The following IRS2 variants were observed in gnomAD, a reference collection of about 807,000 sequenced individuals.
The protein encoded by IRS2 is insulin receptor substrate 2.
IRS2 carries 28 observed loss-of-function variants against 70.9 expected under a neutral mutation model. That is an observed-to-expected ratio of 0.39 (90% CI 0.29 to 0.54). IRS2 has a LOEUF of 0.54. Ranked by LOEUF, IRS2 falls within the 20% of genes least tolerant of loss-of-function variation. The probability of loss-of-function intolerance (pLI) is 0.59; values close to 1 mark genes in which losing one functional copy is unlikely to be tolerated. For missense variants in IRS2, 2,081 were observed against 2,024.1 expected, an observed-to-expected ratio of 1.03 and a Z score of -0.54; for synonymous variants, 1,217 against 981.9, an observed-to-expected ratio of 1.24 and a Z score of -4.48.
At chr13:109,781,754 G>T (rs1014819770) in intron 1 of IRS2, among the ~76,000 whole-genome samples, 1 of 152,200 alleles carries the variant, frequency 6.6e-6, no homozygotes, top group African/African-American at 2.4e-5. Flanking sequence ...TGTGTTAAGG[G>T]ACAGGGGGCT....
In IRS2 at chr13:109,785,880, G is replaced by T; in HGVS notation, c.174C>A (p.Asp58Glu). Residue 58 changes from aspartate to glutamate, a missense_variant, in exon 1 of 2, where the codon GAC becomes GAA. Asp to Glu is a conservative substitution (Grantham distance 45). This residue lies in a region of IRS2 where 320 missense variants were observed against 352.9 expected (regional missense o/e 0.91). Transcript: ENST00000375856. This position sits in a 1 kb window ranked among gnomAD's most constrained non-coding sequence, Gnocchi z 9.3. ...CCGACCCCCCGCCCGCCGTCGCCTCGTCGCCGCCCGCGCCGGGTCCGCGCA... is the reference window on the plus strand; with the variant it reads ...CCGACCCCCCGCCCGCCGTCGCCTCTTCGCCGCCCGCGCCGGGTCCGCGCA... ...FVLRGPGAGG[D>E]EATAGGGSAP... 1 of 1,501,956 alleles carries T rather than the reference G, an allele frequency of 6.7e-7. No individual in the cohort carries two copies. The allele number at this position is 1,501,956 out of a possible 1,614,324, so 93.0% of individuals were successfully genotyped here. A position where few individuals can be genotyped will look rare whatever the true frequency, so the allele number is the denominator to read the frequency against.
intron 1 of IRS2, among the ~76,000 whole-genome samples, chr13:109,771,951 T>C (rs1877459603): frequency 6.6e-6 from 1 of 152,276 alleles, no homozygotes. Flanking sequence ...AAGGATTATG[T>C]GCATGGTTTT....
rs1213360062 is a variant in IRS2 at position 109,784,609 on chromosome 13, G to A, written c.1445C>T (p.Ser482Phe). 7.4e-7 allele frequency: 1 copy of A among 1,346,088 alleles called. No homozygotes were observed. The highest frequency in any genetic ancestry group is 9.5e-7 in the Non-Finnish European group (1 of 1,054,678). The allele number at this position is 1,346,088 out of a possible 1,614,324, so 83.4% of individuals were successfully genotyped here. The change falls in exon 1 of 2, where the codon TCC (serine) becomes TTC (phenylalanine). Residue 482 changes from serine to phenylalanine, a missense_variant. By Grantham distance (155) the Ser-to-Phe change is radical. Around this residue, in one of 4 missense-constraint regions of IRS2, gnomAD observed 1,615 missense variants for 1,459.5 expected, o/e 1.11. Coordinates refer to ENST00000375856, the MANE Select transcript of IRS2 (RefSeq NM_003749.3). This position sits in a 1 kb window ranked among gnomAD's most constrained non-coding sequence, Gnocchi z 5.2. ...GCCCGAGGCGGAGGCGCTGCCGCTG[G>A]AGGGCCGCTGGCCGGGGCCGTGGTG... ...PLHHGPGQRP[S>F]SGSASASGSP...
intron 1 of IRS2, among the ~76,000 whole-genome samples, chr13:109,773,627 T>C (rs954651935): frequency 2.0e-5 from 3 of 152,200 alleles, no homozygotes; most frequent in African/African-American, 7.2e-5. Flanking sequence ...CCTTAAATAT[T>C]TGCCAAATCT....
intron 1 of IRS2, among the ~76,000 whole-genome samples, chr13:109,761,140 C>G (rs1426312734): frequency 6.6e-6 from 1 of 152,162 alleles, no homozygotes; most frequent in East Asian, 1.9e-4. Flanking sequence ...CCAGGGAGGC[C>G]CCGGTCCTCT....
rs866356174 is a variant in IRS2, at chr13:109,756,216, G to A, written c.*88C>T. The A allele has an allele frequency of 9.5e-6, 11 of 1,160,300 alleles. No individual in the cohort carries two copies. In the Middle Eastern group the frequency reaches 5.7e-4, roughly 60 times the overall value. The allele number at this position is 1,160,300 out of a possible 1,614,324, so 71.9% of individuals were successfully genotyped here. ...GCTCAGATCCAAAAGAAAACTGCAA[G>A]CAGCTTCGGGCTGAAACAGTGCTGA... On this transcript the variant is annotated 3_prime_UTR_variant, in exon 2 of 2. Coordinates refer to ENST00000375856, the MANE Select transcript of IRS2 (RefSeq NM_003749.3).
chr13:109,785,970 G>A lies in IRS2; in HGVS notation c.84C>T (p.Asn28=). The change falls in exon 1 of 2, where the codon AAC becomes AAT. Residue 28 remains asparagine, a synonymous_variant. Coordinates refer to ENST00000375856, the MANE Select transcript of IRS2 (RefSeq NM_003749.3). This position sits in a 1 kb window ranked among gnomAD's most constrained non-coding sequence, Gnocchi z 9.3. ...PNLNNNNNNN[N]HSVRKCGYLR... is the part of the protein sequence containing the mutation. ...GGTAGCCGCACTTGCGCACGCTGTG[G>A]TTGTTGTTGTTGTTGTTGTTGTTGA... is the stretch of plus-strand genomic sequence containing the variant. The A allele has an allele frequency of 6.9e-7, 1 of 1,456,236 alleles. No homozygotes were observed. The allele number at this position is 1,456,236 out of a possible 1,614,324, so 90.2% of individuals were successfully genotyped here. A position where few individuals can be genotyped will look rare whatever the true frequency, so the allele number is the denominator to read the frequency against.
At position 109,784,686 on chromosome 13, in the gene IRS2, C is replaced by A; in HGVS notation, c.1368G>T (p.Ser456=). Reference sequence around the variant, plus strand: ...GGCCGGGCGGCGGCGGGTAGGAGCCCGAGCCGTGGCCGCTGCTGGACGACA... The same window carrying A: ...GGCCGGGCGGCGGCGGGTAGGAGCCAGAGCCGTGGCCGCTGCTGGACGACA... ...GSLSSSSGHG[S]GSYPPPPGPH... The change falls in exon 1 of 2, where the codon TCG becomes TCT. Residue 456 remains serine, a synonymous_variant. Coordinates refer to ENST00000375856, the MANE Select transcript of IRS2 (RefSeq NM_003749.3). The surrounding 1 kb of genome is among the most constrained non-coding windows in gnomAD (Gnocchi z 5.2). The A allele has an allele frequency of 8.1e-7, 1 of 1,237,550 alleles. No homozygotes were observed. 76.7% of individuals were successfully genotyped at this position (1,237,550 alleles called of 1,614,324 possible).
Position 109,782,125 on chromosome 13 carries a change from C to G in IRS2, c.3929G>C (p.Gly1310Ala). Residue 1310 changes from glycine to alanine, a missense_variant, in exon 1 of 2, where the codon GGT becomes GCT. Gly to Ala is a moderately conservative substitution (Grantham distance 60). This residue lies in a region of IRS2 where 1,615 missense variants were observed against 1,459.5 expected (regional missense o/e 1.11). Coordinates refer to ENST00000375856, the MANE Select transcript of IRS2 (RefSeq NM_003749.3). ...GTTGGCAGGGGGCAGGGCACCGGGACCCGGCCCCCCGCACCCGCCGCCGGT... is the reference window on the plus strand; with the variant it reads ...GTTGGCAGGGGGCAGGGCACCGGGAGCCGGCCCCCCGCACCCGCCGCCGGT... ...GSTGGGCGGP[G>A]PGALPPANTY... The G allele has an allele frequency of 1.9e-6, 3 of 1,608,752 alleles. No homozygotes were observed.
At chr13:109,757,871 G>A (rs965963554) in intron 1 of IRS2, among the ~76,000 whole-genome samples, 8 of 152,152 alleles carry the variant, frequency 5.3e-5, no homozygotes, top group Admixed American at 3.9e-4. Context: ...TAGTAGAGAC[G>A]GGGTTTCACC....
chr13:109,765,507 A>G (rs1185096590), intron 1 of IRS2, among the ~76,000 whole-genome samples: 2 of 141,730 alleles, frequency 1.4e-5, no homozygotes, highest in Non-Finnish European at 3.1e-5. Flanking sequence ...CTCCCCACCA[A>G]GCATGTAGAT....
rs182953660 is a variant in IRS2 at position 109,779,529 on chromosome 13, T to C, written c.4012+2513A>G. Among the ~76,000 whole-genome samples, 716 of 152,326 alleles carry C rather than the reference T, an allele frequency of 4.7e-3. 3 individuals are homozygous for C. The highest frequency in any genetic ancestry group is 4.3e-3 in the Non-Finnish European group (291 of 68,018). On this transcript the variant is annotated intron_variant, in intron 1 of 1. Transcript: ENST00000375856. ...TATTTATCCCAAGTTCCTAAATGCT[T>C]CCTTTCTGTCTCAACGGACCACAAC... is the stretch of plus-strand genomic sequence containing the variant.
intron 1 of IRS2, among the ~76,000 whole-genome samples, chr13:109,767,186 A>G (rs748808085): frequency 6.5e-4 from 99 of 152,094 alleles, no homozygotes; most frequent in Non-Finnish European, 1.3e-3. Flanking sequence ...CAGAGTGAGG[A>G]CAGGCCCCTT....
At chr13:109,767,271 C>A (rs546448555) in intron 1 of IRS2, among the ~76,000 whole-genome samples, 8 of 152,130 alleles carry the variant, frequency 5.3e-5, no homozygotes, top group Admixed American at 1.3e-4. Flanking sequence ...CCTGTCCAGG[C>A]GGGCCACACC....
chr13:109,785,877 CTCG>C lies in IRS2; in HGVS notation c.174_176del (p.Asp58del), dbSNP rs911730837. ...GCGCCGACCCCCCGCCCGCCGTCGC[CTCG>C]TCGCCGCCCGCGCCGGGTCCGCGCA... On this transcript the variant is annotated inframe_deletion, in exon 1 of 2. Transcript: ENST00000375856. The surrounding 1 kb of genome is among the most constrained non-coding windows in gnomAD (Gnocchi z 9.3). 3 of 1,505,846 alleles carry C rather than the reference CTCG, an allele frequency of 2.0e-6. No individual in the cohort carries two copies. The highest frequency in any genetic ancestry group is 2.6e-6 in the Non-Finnish European group (3 of 1,132,668). 93.3% of individuals were successfully genotyped at this position (1,505,846 alleles called of 1,614,324 possible).
Position 109,783,268 on chromosome 13 carries a change from GC to G in IRS2, c.2785del (p.Ala929ProfsTer51). On this transcript the variant is annotated frameshift_variant, in exon 1 of 2. Coordinates refer to ENST00000375856, the MANE Select transcript of IRS2 (RefSeq NM_003749.3). LOFTEE classifies it high-confidence loss of function. ...YINIDFGEPG[A>X]RLSPPAPPLL... is the part of the protein sequence containing the mutation. ...GGGAGGCGCGGGCGGCGACAGGCGG[GC>G]CCCGGGCTCGCCAAAGTCGATGTTG... is the stretch of plus-strand genomic sequence containing the variant. The G allele has an allele frequency of 2.1e-6, 3 of 1,455,858 alleles. No homozygotes were observed. The highest frequency in any genetic ancestry group is 2.3e-5 in the Admixed American group (1 of 42,970). 90.2% of individuals were successfully genotyped at this position (1,455,858 alleles called of 1,614,324 possible).
chr13:109,778,297 T>G (rs1877622540), intron 1 of IRS2, among the ~76,000 whole-genome samples: 1 of 152,190 alleles, frequency 6.6e-6, no homozygotes, highest in African/African-American at 2.4e-5. Context: ...AGAAACCTGG[T>G]TTCCTGATTC....
chr13:109,783,269 C>T lies in IRS2; in HGVS notation c.2785G>A (p.Ala929Thr), dbSNP rs866762311. 2.1e-6 allele frequency: 3 copies of T among 1,454,344 alleles called. No individual in the cohort carries two copies. Among genetic ancestry groups the T allele is most frequent in the African/African-American group, 1.5e-5 (1 of 67,878 alleles). 90.1% of individuals were successfully genotyped at this position (1,454,344 alleles called of 1,614,324 possible). Residue 929 changes from alanine to threonine, a missense_variant, in exon 1 of 2, where the codon GCC becomes ACC. Transcript: ENST00000375856. ...GGAGGCGCGGGCGGCGACAGGCGGG[C>T]CCCGGGCTCGCCAAAGTCGATGTTG... Reference protein sequence around the residue: ...YINIDFGEPGARLSPPAPPLL... With the variant: ...YINIDFGEPGTRLSPPAPPLL...
At position 109,782,698 on chromosome 13, in the gene IRS2, G is replaced by A. The variant is rs2138930440; in HGVS notation, c.3356C>T (p.Ala1119Val). The A allele has an allele frequency of 1.3e-6, 2 of 1,585,996 alleles. No homozygotes were observed. Among genetic ancestry groups the A allele is most frequent in the Non-Finnish European group, 1.7e-6 (2 of 1,167,582 alleles). ...SLMEQVSGVE[A>V]FLQASQPPDP... ...CGGGGGCTGGCTGGCCTGCAGGAAG[G>A]CCTCGACTCCCGACACCTGCTCCAT... Residue 1119 changes from alanine to valine, a missense_variant, in exon 1 of 2, where the codon GCC (alanine) becomes GTC (valine). Transcript: ENST00000375856.
Sources: gnomAD v4.1 joint callset for allele counts (sites outside exome capture counted in the v4.1 genomes callset) on GRCh38, gnomAD v4.1.1 for gene constraint, gnomAD v4.1.1 regional missense constraint, Gnocchi (gnomAD v3.1) non-coding constraint, MANE v1.5 for transcripts, NCBI Gene and HGNC (gene_info 2026-07-23, HGNC 2026-07-21) for gene names.